Variants in METAP1D observed in about 807,000 individuals in gnomAD.
METAP1D encodes the protein methionyl aminopeptidase type 1D, mitochondrial, also known as methionine aminopeptidase 1D, mitochondrial.
Under a neutral mutation model 40.5 loss-of-function variants are expected in METAP1D, and 31 were observed. The ratio of observed to expected loss-of-function variants is 0.77; its 90% CI spans 0.58 to 1.03. The LOEUF is 1.03. Ranked by LOEUF, METAP1D falls within the 50% of genes least tolerant of loss-of-function variation. METAP1D has a pLI of 0.00. For missense variants in METAP1D, 411 were observed against 420.7 expected (o/e 0.98, Z 0.20); for synonymous variants, 151 against 146.4 (o/e 1.03, Z -0.22).
intron 1 of METAP1D, among the ~76,000 whole-genome samples, chr2:172,047,460 G>T (rs895847720): frequency 5.3e-5 from 8 of 151,560 alleles, no homozygotes; most frequent in Admixed American, 1.3e-4. Context: ...TTGAGACAGG[G>T]TCTCACTTTG....
chr2:172,055,099 A>T (rs1368352299), intron 1 of METAP1D, among the ~76,000 whole-genome samples: 1 of 152,150 alleles, frequency 6.6e-6, no homozygotes, highest in Admixed American at 6.5e-5. Context: ...GTCTCTAAAA[A>T]CATCAGATTA....
At chr2:172,019,528 C>A (rs1056999743) in intron 1 of METAP1D, among the ~76,000 whole-genome samples, 1 of 151,642 alleles carries the variant, frequency 6.6e-6, no homozygotes, top group African/African-American at 2.4e-5. Flanking sequence ...CCAGCCTGGG[C>A]AACATAGAGA....
intron 1 of METAP1D, among the ~76,000 whole-genome samples, chr2:172,017,235 TACACACAC>T (rs370746234): frequency 0.019 from 2,584 of 139,418 alleles, 58 homozygotes; most frequent in African/African-American, 0.057. Flanking sequence ...TGAAAGGTTT[TACACACAC>T]ACACACACAC....
intron 5 of METAP1D, among the ~76,000 whole-genome samples, chr2:172,066,868 G>A (rs147426040): frequency 6.6e-6 from 1 of 152,198 alleles, no homozygotes; most frequent in Non-Finnish European, 1.5e-5. Flanking sequence ...TGAAGGTAAC[G>A]TTGAGTTCCA....
In METAP1D at chr2:172,043,031, A is replaced by G. The variant is rs1463763989; in HGVS notation, c.41-18467A>G. On this transcript the variant is annotated intron_variant, in intron 1 of 9. Coordinates refer to ENST00000315796, the MANE Select transcript of METAP1D (RefSeq NM_199227.3). ...TGTGTATGTGTACACATATATGTGT[A>G]TATGTGTACACGTGTACACATATAT... Among the ~76,000 whole-genome samples the G allele has an allele frequency of 1.0e-4, 8 of 76,528 alleles. 2 individuals are homozygous for G. Among genetic ancestry groups the G allele is most frequent in the Admixed American group, 7.1e-4 (6 of 8,476 alleles). The allele number at this position is 76,528 out of a possible 152,430, so 50.2% of individuals were successfully genotyped here.
At chr2:172,051,887 C>T (rs765142597) in intron 1 of METAP1D, among the ~76,000 whole-genome samples, 2 of 152,134 alleles carry the variant, frequency 1.3e-5, no homozygotes, top group Non-Finnish European at 2.9e-5. Flanking sequence ...CAGTAAACAA[C>T]TAGGATAAAC....
In METAP1D at chr2:172,042,229, A is replaced by G. The variant is rs1455915106; in HGVS notation, c.41-19269A>G. Among the ~76,000 whole-genome samples the G allele has an allele frequency of 4.2e-3, 95 of 22,758 alleles. 14 individuals are homozygous for G. Among genetic ancestry groups the G allele is most frequent in the African/African-American group, 7.5e-3 (90 of 12,010 alleles). 14.9% of individuals were successfully genotyped at this position (22,758 alleles called of 152,430 possible). ...CATATGTATGTGTACATGTGTACAC[A>G]TATACATATGTATGTGTACATGTGT... On this transcript the variant is annotated intron_variant, in intron 1 of 9. Coordinates refer to ENST00000315796, the MANE Select transcript of METAP1D (RefSeq NM_199227.3).
In METAP1D at chr2:172,030,086, A is replaced by AT. The variant is rs1393970013; in HGVS notation, c.40+30080dup. 1.5e-3 allele frequency among the ~76,000 whole-genome samples: 212 copies of AT among 143,298 alleles called. 1 individual carries two copies. Among genetic ancestry groups the AT allele is most frequent in the Non-Finnish European group, 1.9e-3 (122 of 65,208 alleles). 94.0% of individuals were successfully genotyped at this position (143,298 alleles called of 152,430 possible). A position where few individuals can be genotyped will look rare whatever the true frequency, so the allele number is the denominator to read the frequency against. ...GCCTACATTTTATTTTATTTTATTTATTTATTTATTTATTTTTTTTGAGGC... is the reference window on the plus strand; with the variant it reads ...GCCTACATTTTATTTTATTTTATTTATTTTATTTATTTATTTTTTTTGAGGC... On this transcript the variant is annotated intron_variant, in intron 1 of 9. Transcript: ENST00000315796.
intron 1 of METAP1D, among the ~76,000 whole-genome samples, chr2:172,043,707 C>A (rs1689672078): frequency 1.5e-5 from 2 of 133,846 alleles, no homozygotes; most frequent in African/African-American, 2.5e-5. Flanking sequence ...ATGTACAAGG[C>A]CTGTATGGAG....
intron 6 of METAP1D, among the ~76,000 whole-genome samples, chr2:172,077,079 A>G (rs993876039): frequency 1.3e-5 from 2 of 152,240 alleles, no homozygotes; most frequent in African/African-American, 4.8e-5. Flanking sequence ...ACATACATGT[A>G]ATGAAGTAAC....
chr2:172,069,814 C>T (rs954431944), intron 5 of METAP1D, among the ~76,000 whole-genome samples: 2 of 152,150 alleles, frequency 1.3e-5, no homozygotes, highest in African/African-American at 4.8e-5. Context: ...CTTATCTGTG[C>T]CTCAGTTTCC....
intron 1 of METAP1D, among the ~76,000 whole-genome samples, chr2:172,057,032 G>A (rs1379731081): frequency 6.6e-6 from 1 of 152,136 alleles, no homozygotes; most frequent in Non-Finnish European, 1.5e-5. Context: ...ACACACTAGC[G>A]AATAGAACTC....
chr2:172,048,245 T>C (rs1184300458), intron 1 of METAP1D, among the ~76,000 whole-genome samples: 1 of 152,218 alleles, frequency 6.6e-6, no homozygotes, highest in Admixed American at 6.5e-5. Context: ...ACTTGCTTTG[T>C]GGATTATCCA....
chr2:172,073,573 A>C (rs986503159), intron 6 of METAP1D, among the ~76,000 whole-genome samples: 1 of 152,172 alleles, frequency 6.6e-6, no homozygotes, highest in South Asian at 2.1e-4. Context: ...TGAACTTTTT[A>C]CTTGTACCCT....
At chr2:172,036,232 G>A (rs1559003818) in intron 1 of METAP1D, among the ~76,000 whole-genome samples, 4 of 150,190 alleles carry the variant, frequency 2.7e-5, no homozygotes, top group South Asian at 2.1e-4. Context: ...CAGGAGAATG[G>A]CGTGAACCCG....
At position 172,029,295 on chromosome 2, in the gene METAP1D, C is replaced by T. The variant is rs930128713; in HGVS notation, c.40+29286C>T. On this transcript the variant is annotated intron_variant, in intron 1 of 9. Transcript: ENST00000315796. Reference sequence around the variant, plus strand: ...AGTGGCATGTGCCTGTGGTAGTGCACGCCTGTGGTCCCAGCTACTTTGAAG... The same window carrying T: ...AGTGGCATGTGCCTGTGGTAGTGCATGCCTGTGGTCCCAGCTACTTTGAAG... Among the ~76,000 whole-genome samples, 8 of 152,216 alleles carry T rather than the reference C, an allele frequency of 5.3e-5. No homozygotes were observed. The East Asian group carries it at 5.8e-4, about 11-fold the overall frequency.
At chr2:172,059,591 A>C (rs1411081355) in intron 1 of METAP1D, among the ~76,000 whole-genome samples, 1 of 152,196 alleles carries the variant, frequency 6.6e-6, no homozygotes, top group Non-Finnish European at 1.5e-5. Context: ...TTTGAATTTC[A>C]TGTATTACAA....
chr2:172,043,444 C>G (rs1258002598), intron 1 of METAP1D, among the ~76,000 whole-genome samples: 1 of 132,900 alleles, frequency 7.5e-6, no homozygotes, highest in Non-Finnish European at 1.7e-5. Flanking sequence ...TCACGACTCA[C>G]TAACCTCCAA....
chr2:172,022,055 G>GCC (rs200320479), intron 1 of METAP1D, among the ~76,000 whole-genome samples: 3,538 of 152,184 alleles, frequency 0.023, 62 homozygotes, highest in Admixed American at 0.043. Context: ...ACAGGTTTCT[G>GCC]GCAAGCTCCC....
Sources: allele counts gnomAD v4.1 joint callset (sites outside exome capture counted in the v4.1 genomes callset), GRCh38; gene constraint gnomAD v4.1.1; transcripts MANE v1.5; gene names NCBI Gene and HGNC (gene_info 2026-07-23, HGNC 2026-07-21).